The following IL19 variants were observed in gnomAD, a reference collection of about 807,000 sequenced individuals.
IL19 encodes interleukin 19.
In IL19, 15 loss-of-function variants were observed where a neutral mutation model predicts 19.5. The observed-to-expected ratio is 0.77, with a 90% confidence interval of 0.52 to 1.19. The LOEUF is 1.19. IL19 is among the 50% of genes most tolerant of loss of function. IL19 has a pLI of 0.00. For synonymous variants in IL19, 78 were observed against 78.3 expected (o/e 1.00, Z 0.02); for missense variants, 199 against 213.1 (o/e 0.93, Z 0.41).
At chr1:206,806,165 C>T (rs897350395) in intron 2 of IL19, among the ~76,000 whole-genome samples, 7 of 152,152 alleles carry the variant, frequency 4.6e-5, no homozygotes, top group South Asian at 2.1e-4. Flanking sequence ...AATTGAGAAG[C>T]GTTGTTGCCT....
intron 2 of IL19, among the ~76,000 whole-genome samples, chr1:206,808,578 T>G (rs74148802): frequency 0.016 from 2,483 of 151,640 alleles, 60 homozygotes; most frequent in African/African-American, 0.057. Flanking sequence ...TGAGCAGAGA[T>G]CTGGCACTGA....
intron 2 of IL19, among the ~76,000 whole-genome samples, chr1:206,821,245 A>G (rs945428616): frequency 6.6e-6 from 1 of 152,210 alleles, no homozygotes. Flanking sequence ...AGTTAAAATG[A>G]TACTATCGAA....
At chr1:206,784,526 T>C (rs982688804) in intron 1 of IL19, among the ~76,000 whole-genome samples, 6 of 152,196 alleles carry the variant, frequency 3.9e-5, no homozygotes, top group African/African-American at 1.4e-4. Context: ...TGTATTTCCT[T>C]CTCGCAATCC....
chr1:206,810,309 C>T (rs1456241112), intron 2 of IL19, among the ~76,000 whole-genome samples: 1 of 152,130 alleles, frequency 6.6e-6, no homozygotes, highest in Non-Finnish European at 1.5e-5. Flanking sequence ...GGTTGGCTGA[C>T]TAAACCTTGG....
chr1:206,800,604 G>C (rs1055159152), intron 2 of IL19, among the ~76,000 whole-genome samples: 1 of 152,214 alleles, frequency 6.6e-6, no homozygotes, highest in African/African-American at 2.4e-5. Context: ...GAGTGTGCAT[G>C]TGTTTAGGAA....
chr1:206,820,490 C>T lies in IL19; in HGVS notation c.-2-16171C>T, dbSNP rs544667384. ...TTTGCTTCTAACCAAACATAAGGGC[C>T]AGAAAGATCAAGATATTGGCACCAG... On this transcript the variant is annotated intron_variant, in intron 2 of 6. Transcript: ENST00000659997. 1.1e-4 allele frequency among the ~76,000 whole-genome samples: 16 copies of T among 152,282 alleles called. 1 individual carries two copies. The East Asian group carries it at 3.1e-3, about 29-fold the overall frequency.
intron 2 of IL19, among the ~76,000 whole-genome samples, chr1:206,828,439 G>A (rs909287081): frequency 2.6e-5 from 4 of 152,180 alleles, no homozygotes; most frequent in African/African-American, 9.7e-5. Flanking sequence ...ACTCTCTAAT[G>A]GAGTAGTTTC....
intron 1 of IL19, among the ~76,000 whole-genome samples, chr1:206,778,037 G>T (rs1675050980): frequency 6.6e-6 from 1 of 152,202 alleles, no homozygotes; most frequent in Non-Finnish European, 1.5e-5. Flanking sequence ...AGTGTCTGGG[G>T]TACTTCAGAA....
intron 2 of IL19, among the ~76,000 whole-genome samples, chr1:206,819,134 T>A (rs1014490753): frequency 6.6e-6 from 1 of 151,770 alleles, no homozygotes; most frequent in African/African-American, 2.4e-5. Flanking sequence ...AAGGGATGGG[T>A]CTTGCTGTGT....
intron 2 of IL19, among the ~76,000 whole-genome samples, chr1:206,826,529 C>T (rs1209831509): frequency 6.6e-6 from 1 of 152,162 alleles, no homozygotes; most frequent in Non-Finnish European, 1.5e-5. Context: ...GATGAGTCAG[C>T]TCTCACTCTG....
intron 1 of IL19, among the ~76,000 whole-genome samples, chr1:206,781,944 TA>T (rs11368025): frequency 1.5e-5 from 1 of 65,932 alleles, no homozygotes; most frequent in African/African-American, 6.2e-5. Flanking sequence ...TATATGTATA[TA>T]GTTATATATA....
At chr1:206,829,643 C>T (rs1240241253) in intron 2 of IL19, among the ~76,000 whole-genome samples, 1 of 152,134 alleles carries the variant, frequency 6.6e-6, no homozygotes, top group Admixed American at 6.5e-5. Flanking sequence ...GAGTTTTAGA[C>T]TGGAGAGTTC....
intron 2 of IL19, among the ~76,000 whole-genome samples, chr1:206,820,139 T>C (rs1208178264): frequency 6.6e-6 from 1 of 152,202 alleles, no homozygotes; most frequent in African/African-American, 2.4e-5. Flanking sequence ...TGTCATTCCA[T>C]ATGCTCACTC....
At chr1:206,820,443 T>C (rs1040240313) in intron 2 of IL19, among the ~76,000 whole-genome samples, 4 of 152,124 alleles carry the variant, frequency 2.6e-5, no homozygotes, top group African/African-American at 7.2e-5. Context: ...ATAAATGACT[T>C]CCAGATGTTA....
intron 1 of IL19, among the ~76,000 whole-genome samples, chr1:206,790,384 T>C (rs773254529): frequency 3.9e-5 from 6 of 152,122 alleles, no homozygotes; most frequent in Non-Finnish European, 5.9e-5. Flanking sequence ...CTGTCTCTGA[T>C]TGTGGCCTGC....
At chr1:206,837,562 C>A (rs1234411079) in intron 4 of IL19, among the ~76,000 whole-genome samples, 2 of 152,094 alleles carry the variant, frequency 1.3e-5, no homozygotes, top group Non-Finnish European at 2.9e-5. Context: ...ATAATACAGA[C>A]AATAGGCTGG....
chr1:206,802,612 G>A (rs905529295), intron 2 of IL19, among the ~76,000 whole-genome samples: 6 of 152,044 alleles, frequency 3.9e-5, no homozygotes, highest in South Asian at 4.1e-4. Flanking sequence ...TGGGTAAATC[G>A]TGAGTCATAC....
chr1:206,808,496 T>TGC (rs1675912376), intron 2 of IL19, among the ~76,000 whole-genome samples: 1 of 120,156 alleles, frequency 8.3e-6, no homozygotes, highest in African/African-American at 3.3e-5. Flanking sequence ...GAATTGTGTG[T>TGC]GTGCGTGTGT....
chr1:206,807,218 C>T (rs988184347), intron 2 of IL19, among the ~76,000 whole-genome samples: 1 of 152,168 alleles, frequency 6.6e-6, no homozygotes, highest in Non-Finnish European at 1.5e-5. Context: ...CCAGGTCCCT[C>T]CCATGACATG....
Sources: allele counts gnomAD v4.1 joint callset (sites outside exome capture counted in the v4.1 genomes callset), GRCh38; gene constraint gnomAD v4.1.1; transcripts MANE v1.5; gene names NCBI Gene and HGNC (gene_info 2026-07-23, HGNC 2026-07-21).